The following SERPINA6 variants were observed in gnomAD, a reference collection of about 807,000 sequenced individuals.
SERPINA6 encodes corticosteroid-binding globulin.
In SERPINA6, 19 loss-of-function variants were observed where a neutral mutation model predicts 26.4. The ratio of observed to expected loss-of-function variants is 0.72; its 90% confidence interval spans 0.50 to 1.06. The LOEUF (loss-of-function observed/expected upper bound fraction) is 1.06, where lower values mean the gene tolerates loss of function less well. Ranked by LOEUF, SERPINA6 falls within the 50% of genes least tolerant of loss-of-function variation. The pLI is 0.00. For synonymous variants in SERPINA6, 196 were observed against 199.4 expected, an observed-to-expected ratio of 0.98 and a Z score of 0.14; for missense variants, 473 against 504.0, an observed-to-expected ratio of 0.94 and a Z score of 0.59.
intron 3 of SERPINA6, among the ~76,000 whole-genome samples, chr14:94,308,670 C>T (rs570592564): frequency 5.5e-4 from 83 of 152,202 alleles, no homozygotes; most frequent in Non-Finnish European, 9.6e-4. Flanking sequence ...GTTCTAAGAA[C>T]ACCTCCTTCC....
intron 2 of SERPINA6, among the ~76,000 whole-genome samples, chr14:94,311,872 C>G (rs1027096466): frequency 4.6e-5 from 7 of 151,970 alleles, no homozygotes; most frequent in Non-Finnish European, 8.8e-5. Context: ...GGCATGAACC[C>G]GGGAGGCGGA....
rs201880274 is a variant in SERPINA6, at chr14:94,309,817, G to T, written c.803C>A (p.Pro268Gln). 1.2e-6 allele frequency: 2 copies of T among 1,614,162 alleles called. No individual in the cohort carries two copies. The highest frequency in any genetic ancestry group is 1.7e-6 in the Non-Finnish European group (2 of 1,180,026). ...GACTGTGTTCATCTTCCCCTTGTCC[G>T]GAAGGATGAAGAAGACAGTCCCATT... ...VGNGTVFFILPDKGKMNTVIA... is the reference protein window; with the variant it reads ...VGNGTVFFILQDKGKMNTVIA... Residue 268 changes from proline to glutamine, a missense_variant, in exon 3 of 5, where the codon CCG (proline) becomes CAG (glutamine). Physicochemically the swap from Pro to Gln is moderately conservative, Grantham distance 76. Coordinates refer to ENST00000341584, the MANE Select transcript of SERPINA6 (RefSeq NM_001756.4).
chr14:94,318,521 T>G (rs1895642126), intron 1 of SERPINA6, among the ~76,000 whole-genome samples: 1 of 152,158 alleles, frequency 6.6e-6, no homozygotes, highest in Non-Finnish European at 1.5e-5. Flanking sequence ...GCCTTTCATA[T>G]GTAGTAAAAT....
intron 2 of SERPINA6, 24 bp from the exon 3 acceptor site, chr14:94,310,030 T>A: frequency 6.2e-7 from 1 of 1,613,358 alleles, no homozygotes; most frequent in Non-Finnish European, 8.5e-7. Flanking sequence ...GAGACAGGTC[T>A]GTAGGGCAGA....
chr14:94,310,988 C>G (rs1458299829), intron 2 of SERPINA6, among the ~76,000 whole-genome samples: 1 of 152,232 alleles, frequency 6.6e-6, no homozygotes, highest in Admixed American at 6.5e-5. Flanking sequence ...AGCCCTTTCT[C>G]CATCCTACTG....
intron 4 of SERPINA6, 44 bp from the exon 5 acceptor site, chr14:94,304,647 G>T: frequency 6.5e-7 from 1 of 1,544,276 alleles, no homozygotes; most frequent in Non-Finnish European, 8.9e-7. Flanking sequence ...CCTGCTGTGC[G>T]TTCTCGCTTT....
At chr14:94,315,979 T>A (rs1895608552) in intron 1 of SERPINA6, among the ~76,000 whole-genome samples, 1 of 152,190 alleles carries the variant, frequency 6.6e-6, no homozygotes, top group Non-Finnish European at 1.5e-5. Context: ...TTATTTGAGA[T>A]CTTCTTGTTT....
chr14:94,306,608 T>A (rs909761908), intron 3 of SERPINA6, among the ~76,000 whole-genome samples: 1 of 152,194 alleles, frequency 6.6e-6, no homozygotes, highest in African/African-American at 2.4e-5. Context: ...GGAGCAGTGG[T>A]CCCTGGCTCC....
At chr14:94,304,854 A>G (rs1895413186) in intron 4 of SERPINA6, among the ~76,000 whole-genome samples, 1 of 152,058 alleles carries the variant, frequency 6.6e-6, no homozygotes, top group African/African-American at 2.4e-5. Flanking sequence ...TGGAGATTAG[A>G]AGTCTCATGG....
chr14:94,309,589 C>G (rs72704349), intron 3 of SERPINA6, 147 bp downstream of exon 3: 19,369 of 837,722 alleles, frequency 0.023, 291 homozygotes, highest in Non-Finnish European at 0.029. Context: ...AAACTTACAG[C>G]CTTTGGGGGC....
intron 1 of SERPINA6, among the ~76,000 whole-genome samples, chr14:94,317,577 A>C (rs1262993563): frequency 6.6e-6 from 1 of 152,194 alleles, no homozygotes; most frequent in Non-Finnish European, 1.5e-5. Context: ...TTTTCACCCA[A>C]TAAATTCCAT....
chr14:94,307,313 C>T (rs1895455396), intron 3 of SERPINA6, among the ~76,000 whole-genome samples: 1 of 152,092 alleles, frequency 6.6e-6, no homozygotes, highest in East Asian at 1.9e-4. Context: ...GAGACCAACA[C>T]TTAAGAGAGG....
At chr14:94,322,271 AG>A (rs1895694488) in intron 1 of SERPINA6, among the ~76,000 whole-genome samples, 2 of 152,272 alleles carry the variant, frequency 1.3e-5, no homozygotes, top group East Asian at 3.9e-4. Flanking sequence ...CACTTTTGGA[AG>A]CTGAGGTGGG....
chr14:94,318,379 A>G (rs1895640422), intron 1 of SERPINA6, among the ~76,000 whole-genome samples: 1 of 152,242 alleles, frequency 6.6e-6, no homozygotes, highest in Non-Finnish European at 1.5e-5. Context: ...ATACTGAAGA[A>G]GAACAAAGTT....
At position 94,314,447 on chromosome 14, in the gene SERPINA6, C is replaced by A; in HGVS notation, c.202G>T (p.Val68Leu). 1 of 1,614,160 alleles carries A rather than the reference C, an allele frequency of 6.2e-7. No homozygotes were observed. Among genetic ancestry groups the A allele is most frequent in the Non-Finnish European group, 8.5e-7 (1 of 1,180,032 alleles). The change falls in exon 2 of 5, where the codon GTG (valine) becomes TTG (leucine). Residue 68 changes from valine to leucine, a missense_variant. Transcript: ENST00000341584. The stretch of plus-strand genomic sequence containing the variant: ...ATAGCTAAGGCCATGGAGATGCTCA[C>A]AGGGGAGATGAAAATGTTCTTTTTG... The part of the protein sequence containing the change: ...SPKKNIFISP[V>L]SISMALAMLS...
intron 1 of SERPINA6, among the ~76,000 whole-genome samples, chr14:94,321,850 C>G (rs1216125230): frequency 6.6e-6 from 1 of 152,230 alleles, no homozygotes; most frequent in African/African-American, 2.4e-5. Context: ...GGGATCTCCT[C>G]TCAGGCACAG....
At chr14:94,317,780 G>A (rs565487302) in intron 1 of SERPINA6, among the ~76,000 whole-genome samples, 3 of 152,248 alleles carry the variant, frequency 2.0e-5, no homozygotes, top group South Asian at 4.1e-4. Context: ...GCTTTTCCCC[G>A]AAGATCAGGA....
Position 94,306,098 on chromosome 14 carries a change from G to A in SERPINA6, c.1005C>T (p.Thr335=). The A allele has an allele frequency of 1.2e-6, 2 of 1,614,192 alleles. No individual in the cohort carries two copies. Among genetic ancestry groups the A allele is most frequent in the African/African-American group, 1.3e-5 (1 of 75,038 alleles). ...FTNQANFSRI[T]QDAQLKSSKV... ...TTGATGACTTCAGCTGGGCGTCCTG[G>A]GTGATGCGTGAGAAATTTGCCTGGT... Residue 335 remains threonine (T), a synonymous_variant, in exon 4 of 5, where the codon ACC becomes ACT. Transcript: ENST00000341584.
At chr14:94,307,419 GCTCT>G (rs1895457130) in intron 3 of SERPINA6, among the ~76,000 whole-genome samples, 1 of 152,240 alleles carries the variant, frequency 6.6e-6, no homozygotes, top group African/African-American at 2.4e-5. Flanking sequence ...GTTGTTGACA[GCTCT>G]CTGAGAGCAA....
Sources: gnomAD v4.1 joint callset for allele counts (sites outside exome capture counted in the v4.1 genomes callset) on GRCh38, gnomAD v4.1.1 for gene constraint, MANE v1.5 for transcripts, NCBI Gene and HGNC (gene_info 2026-07-23, HGNC 2026-07-21) for gene names.